Variants in MYO3B observed in about 807,000 individuals in gnomAD.
The protein encoded by MYO3B is myosin-IIIb.
In MYO3B, 156 loss-of-function variants were observed where a neutral mutation model predicts 174.6. The ratio of observed to expected loss-of-function variants is 0.89; its 90% CI spans 0.78 to 1.02. MYO3B has a LOEUF of 1.02. Ranked by LOEUF, MYO3B falls within the 50% of genes least tolerant of loss-of-function variation. MYO3B has a pLI of 0.00. For missense variants in MYO3B, 1,632 were observed against 1,639.4 expected (o/e 1.00, Z 0.08); for synonymous variants, 563 against 569.1 (o/e 0.99, Z 0.15).
intron 7 of MYO3B, among the ~76,000 whole-genome samples, chr2:170,285,283 C>T (rs1210650072): frequency 1.3e-5 from 2 of 151,686 alleles, no homozygotes; most frequent in Admixed American, 1.3e-4. Context: ...TTTTTTTTGT[C>T]TTTATTAATT....
At chr2:170,426,530 G>A (rs1294122226) in intron 22 of MYO3B, among the ~76,000 whole-genome samples, 1 of 151,642 alleles carries the variant, frequency 6.6e-6, no homozygotes, top group Non-Finnish European at 1.5e-5. Context: ...TAGAGGCGGG[G>A]TTTCACCATG....
chr2:170,393,129 G>C (rs1195360265), intron 16 of MYO3B, among the ~76,000 whole-genome samples: 2 of 149,362 alleles, frequency 1.3e-5, no homozygotes, highest in Non-Finnish European at 3.0e-5. Flanking sequence ...TGTCACCCAG[G>C]CTGGAGTGCA....
At chr2:170,261,817 T>C (rs2093347882) in intron 7 of MYO3B, among the ~76,000 whole-genome samples, 1 of 152,212 alleles carries the variant, frequency 6.6e-6, no homozygotes, top group African/African-American at 2.4e-5. Flanking sequence ...AAGAATGACA[T>C]AGATTAGGCA....
At chr2:170,236,361 C>T (rs1049718273) in intron 7 of MYO3B, among the ~76,000 whole-genome samples, 3 of 152,140 alleles carry the variant, frequency 2.0e-5, no homozygotes, top group African/African-American at 4.8e-5. Flanking sequence ...GAACAATTGC[C>T]TATTTTTAGC....
At chr2:170,239,806 G>C (rs1181994226) in intron 7 of MYO3B, among the ~76,000 whole-genome samples, 1 of 152,164 alleles carries the variant, frequency 6.6e-6, no homozygotes, top group Non-Finnish European at 1.5e-5. Flanking sequence ...TTGTTTCTTA[G>C]GGCTGCTACA....
chr2:170,377,943 C>T (rs2094306572), intron 9 of MYO3B, among the ~76,000 whole-genome samples: 1 of 151,980 alleles, frequency 6.6e-6, no homozygotes, highest in Non-Finnish European at 1.5e-5. Flanking sequence ...GTAATTTTCA[C>T]ATTAAACGAG....
intron 1 of MYO3B, among the ~76,000 whole-genome samples, chr2:170,182,792 G>T (rs757623659): frequency 2.0e-5 from 3 of 151,566 alleles, no homozygotes; most frequent in Non-Finnish European, 2.9e-5. Context: ...TCTGTTTTTA[G>T]TAGAGACGAG....
intron 9 of MYO3B, among the ~76,000 whole-genome samples, chr2:170,376,082 C>T (rs532389613): frequency 3.3e-5 from 5 of 152,174 alleles, no homozygotes; most frequent in South Asian, 4.2e-4. Context: ...CTGGCCAAAA[C>T]GGTGCTTAGA....
chr2:170,288,806 G>T (rs76092890), intron 7 of MYO3B, among the ~76,000 whole-genome samples: 45,579 of 151,858 alleles, frequency 0.3, 6,996 homozygotes, highest in South Asian at 0.43. Context: ...TTCCTTAGAG[G>T]AAAAGCTGAA....
chr2:170,257,731 G>A (rs2093316244), intron 7 of MYO3B, among the ~76,000 whole-genome samples: 1 of 151,884 alleles, frequency 6.6e-6, no homozygotes, highest in South Asian at 2.1e-4. Context: ...ATAACTAAGA[G>A]CAGAACAGAA....
chr2:170,462,686 C>T (rs1326101595), intron 23 of MYO3B, among the ~76,000 whole-genome samples: 1 of 152,286 alleles, frequency 6.6e-6, no homozygotes, highest in Non-Finnish European at 1.5e-5. Context: ...CTCATGCACT[C>T]TGCAAACCAA....
rs71399532 is a variant in MYO3B, at chr2:170,399,242, C to CAAAAAA, written c.1792-927_1792-922dup. Among the ~76,000 whole-genome samples, 49 of 15,610 alleles carry CAAAAAA rather than the reference C, an allele frequency of 3.1e-3. 9 individuals are homozygous for CAAAAAA. The highest frequency in any genetic ancestry group is 8.7e-3 in the East Asian group (3 of 346). 10.2% of individuals were successfully genotyped at this position (15,610 alleles called of 152,430 possible). On this transcript the variant is annotated intron_variant, in intron 16 of 34. Coordinates refer to ENST00000408978, the MANE Select transcript of MYO3B (RefSeq NM_138995.5). ...GGGCAACAAGAGCGAAATTCCGTCT[C>CAAAAAA]AAAAAAAAAAAAAAAAAAAAAAAAG... is the stretch of plus-strand genomic sequence containing the variant.
chr2:170,315,343 G>A (rs779124633), intron 7 of MYO3B, among the ~76,000 whole-genome samples: 2 of 150,026 alleles, frequency 1.3e-5, no homozygotes, highest in South Asian at 4.2e-4. Context: ...AGGCAGTCTC[G>A]CTCTGTTGCC....
intron 7 of MYO3B, among the ~76,000 whole-genome samples, chr2:170,256,865 T>G (rs2093309124): frequency 6.6e-6 from 1 of 151,986 alleles, no homozygotes; most frequent in Non-Finnish European, 1.5e-5. Flanking sequence ...GAGACCTATC[T>G]CCCCTGTAAT....
chr2:170,646,014 G>A lies in MYO3B; in HGVS notation c.3734-5614G>A, dbSNP rs112341547. On this transcript the variant is annotated intron_variant, in intron 32 of 34. Transcript: ENST00000408978. ...TGGCTGGGCACGGTGGCTCATGCCTGTAATCCCAGCAATTAGGGAGGCTGA... is the reference window on the plus strand; with the variant it reads ...TGGCTGGGCACGGTGGCTCATGCCTATAATCCCAGCAATTAGGGAGGCTGA... 8.7e-3 allele frequency among the ~76,000 whole-genome samples: 1,326 copies of A among 152,252 alleles called. 27 individuals are homozygous for A. The highest frequency in any genetic ancestry group is 0.03 in the African/African-American group (1,256 of 41,552).
chr2:170,367,857 C>G (rs1487669208), intron 8 of MYO3B, among the ~76,000 whole-genome samples: 2 of 152,048 alleles, frequency 1.3e-5, no homozygotes, highest in Non-Finnish European at 2.9e-5. Context: ...GTATTTCTTC[C>G]CATGGCAAGG....
chr2:170,615,076 T>C (rs1018296004), intron 32 of MYO3B, among the ~76,000 whole-genome samples: 2 of 152,222 alleles, frequency 1.3e-5, no homozygotes, highest in African/African-American at 2.4e-5. Context: ...CCTCCCTTTG[T>C]GTTTCGGTGT....
intron 7 of MYO3B, among the ~76,000 whole-genome samples, chr2:170,271,735 C>T (rs1021858047): frequency 3.6e-4 from 55 of 152,268 alleles, no homozygotes; most frequent in Middle Eastern, 3.4e-3. Context: ...CTGAAAATTG[C>T]TAATTGTTAT....
At chr2:170,536,212 G>A (rs1353633028) in intron 30 of MYO3B, among the ~76,000 whole-genome samples, 2 of 152,218 alleles carry the variant, frequency 1.3e-5, no homozygotes, top group African/African-American at 2.4e-5. Flanking sequence ...AAAGGGCTCA[G>A]TGGGATTTGA....
Sources: gnomAD v4.1 joint callset for allele counts (sites outside exome capture counted in the v4.1 genomes callset) on GRCh38, gnomAD v4.1.1 for gene constraint, MANE v1.5 for transcripts, NCBI Gene and HGNC (gene_info 2026-07-23, HGNC 2026-07-21) for gene names.